Variants in SRGAP1 observed in about 807,000 individuals in gnomAD.
The protein encoded by SRGAP1 is SLIT-ROBO Rho GTPase activating protein 1.
In SRGAP1, 43 loss-of-function variants were observed where a neutral mutation model predicts 121.9. The observed-to-expected ratio is 0.35, with a 90% CI of 0.28 to 0.46. SRGAP1 has a LOEUF of 0.46. SRGAP1 is among the 20% of genes least tolerant of loss of function. The pLI is 1.00. For missense variants in SRGAP1, 1,102 were observed against 1,350.9 expected (o/e 0.82, Z 2.89); for synonymous variants, 447 against 485.4 (o/e 0.92, Z 1.04).
At chr12:64,006,272 A>T (rs970680624) in intron 3 of SRGAP1, among the ~76,000 whole-genome samples, 3 of 152,192 alleles carry the variant, frequency 2.0e-5, no homozygotes, top group African/African-American at 7.2e-5. Flanking sequence ...CTAGGAAATG[A>T]AGCTAGAGAA....
chr12:63,980,892 C>A (rs2033228431), intron 1 of SRGAP1, among the ~76,000 whole-genome samples: 1 of 152,112 alleles, frequency 6.6e-6, no homozygotes. Context: ...CCGCACCTGG[C>A]CTCTAAGGAG....
chr12:64,091,348 GTT>G lies in SRGAP1; in HGVS notation c.1511_1512del (p.Phe504Ter). The G allele has an allele frequency of 1.9e-6, 3 of 1,609,192 alleles. No homozygotes were observed. Among genetic ancestry groups the G allele is most frequent in the Non-Finnish European group, 2.5e-6 (3 of 1,177,114 alleles). On this transcript the variant is annotated frameshift_variant, in exon 12 of 22. Coordinates refer to ENST00000355086, the MANE Select transcript of SRGAP1 (RefSeq NM_020762.4). LOFTEE classifies it high-confidence loss of function. ...CCCGCTCACAGTATAATACTAAGTT[GTT>G]TAATGGGGATTTGGAAACATTCGTC... is the stretch of plus-strand genomic sequence containing the variant. The part of the protein sequence containing the change: ...RPRSQYNTKL[F>X]NGDLETFVKD...
At chr12:63,907,249 T>C (rs2030258062) in intron 1 of SRGAP1, among the ~76,000 whole-genome samples, 1 of 152,130 alleles carries the variant, frequency 6.6e-6, no homozygotes, top group Non-Finnish European at 1.5e-5. Flanking sequence ...ATTTTAAAAT[T>C]GAGTTAGCCA....
chr12:64,115,937 C>T, intron 18 of SRGAP1, 44 bp downstream of exon 18: 2 of 1,500,688 alleles, frequency 1.3e-6, no homozygotes, highest in Non-Finnish European at 1.8e-6. Context: ...TCTTTATATC[C>T]CTATTGTAAA....
chr12:64,082,460 T>C (rs1394609996), intron 10 of SRGAP1, among the ~76,000 whole-genome samples: 2 of 152,022 alleles, frequency 1.3e-5, no homozygotes, highest in African/African-American at 4.8e-5. Flanking sequence ...TTCTTTTTTT[T>C]TTTTTTTGAA....
chr12:63,919,499 CATATATATAT>C (rs10570691), intron 1 of SRGAP1, among the ~76,000 whole-genome samples: 4 of 134,190 alleles, frequency 3.0e-5, no homozygotes, highest in East Asian at 2.0e-4. Context: ...CTTAACATTA[CATATATATAT>C]ATATATATAT....
intron 1 of SRGAP1, among the ~76,000 whole-genome samples, chr12:63,893,345 T>C (rs921614297): frequency 6.6e-6 from 1 of 152,210 alleles, no homozygotes; most frequent in Non-Finnish European, 1.5e-5. Context: ...TAAGGCTTAG[T>C]AGTCATTATA....
At chr12:64,100,950 G>C (rs2036243997) in intron 15 of SRGAP1, among the ~76,000 whole-genome samples, 1 of 152,074 alleles carries the variant, frequency 6.6e-6, no homozygotes, top group African/African-American at 2.4e-5. Context: ...TTGATTAATA[G>C]TCTACAATGT....
At chr12:64,043,323 T>C in intron 5 of SRGAP1, 124 bp from the exon 6 acceptor site, 1 of 976,548 alleles carries the variant, frequency 1.0e-6, no homozygotes, top group South Asian at 1.9e-5. Flanking sequence ...GGCAAAGGAC[T>C]TTCAGGGTCA....
intron 1 of SRGAP1, among the ~76,000 whole-genome samples, chr12:63,856,766 T>C (rs1899265888): frequency 6.6e-6 from 1 of 152,236 alleles, no homozygotes; most frequent in African/African-American, 2.4e-5. Flanking sequence ...AGAAGTATCT[T>C]CTGATCTTGC....
chr12:64,082,318 ATAT>A (rs1469244914), intron 10 of SRGAP1, among the ~76,000 whole-genome samples: 1 of 152,130 alleles, frequency 6.6e-6, no homozygotes, highest in Admixed American at 6.5e-5. Context: ...CCAATGGTTA[ATAT>A]TCTTCTACAT....
chr12:64,141,192 C>G (rs985881568), intron 21 of SRGAP1, among the ~76,000 whole-genome samples: 2 of 146,576 alleles, frequency 1.4e-5, no homozygotes, highest in African/African-American at 5.2e-5. Context: ...TTAGTGGGTG[C>G]AGTGCACCAG....
At chr12:64,098,445 T>C (rs1285895242) in intron 15 of SRGAP1, among the ~76,000 whole-genome samples, 1 of 151,836 alleles carries the variant, frequency 6.6e-6, no homozygotes, top group Non-Finnish European at 1.5e-5. Context: ...CAAGGTGGGC[T>C]TATTGCTTGG....
At chr12:64,079,978 C>T (rs2035807163) in intron 9 of SRGAP1, among the ~76,000 whole-genome samples, 1 of 152,132 alleles carries the variant, frequency 6.6e-6, no homozygotes, top group Admixed American at 6.5e-5. Context: ...TGCAGTGGCT[C>T]ACGCCTGTAA....
At position 63,909,182 on chromosome 12, in the gene SRGAP1, C is replaced by T. The variant is rs532771178; in HGVS notation, c.67+64299C>T. Among the ~76,000 whole-genome samples the T allele has an allele frequency of 2.5e-4, 38 of 152,334 alleles. 1 individual carries two copies. In the South Asian group the frequency reaches 7.0e-3, roughly 28 times the overall value. ...GGATTACAGGCATGAGCCACCACGCCGGGCCTACAATAAGAATCTTAATGT... is the reference window on the plus strand; with the variant it reads ...GGATTACAGGCATGAGCCACCACGCTGGGCCTACAATAAGAATCTTAATGT... On this transcript the variant is annotated intron_variant, in intron 1 of 21. Transcript: ENST00000355086.
At chr12:64,139,798 A>G (rs1379871517) in intron 21 of SRGAP1, among the ~76,000 whole-genome samples, 4 of 152,098 alleles carry the variant, frequency 2.6e-5, no homozygotes, top group African/African-American at 4.8e-5. Context: ...TTGGTGTTTT[A>G]GACATGAAGT....
At chr12:64,011,238 C>G (rs917387642) in intron 3 of SRGAP1, among the ~76,000 whole-genome samples, 1 of 151,860 alleles carries the variant, frequency 6.6e-6, no homozygotes, top group Non-Finnish European at 1.5e-5. Context: ...AGCCTTTCAA[C>G]AATTTTAATC....
chr12:64,080,455 T>C, intron 10 of SRGAP1, 85 bp downstream of exon 10: 1 of 1,189,182 alleles, frequency 8.4e-7, no homozygotes, highest in Non-Finnish European at 1.2e-6. Flanking sequence ...GAATTGTATA[T>C]TTGTGCTTTA....
intron 1 of SRGAP1, among the ~76,000 whole-genome samples, chr12:63,919,010 G>A (rs923884250): frequency 1.1e-4 from 17 of 151,852 alleles, no homozygotes; most frequent in Non-Finnish European, 1.9e-4. Flanking sequence ...TAGTTATTTC[G>A]TATTTTGGTT....
Sources: gnomAD v4.1 joint callset for allele counts (sites outside exome capture counted in the v4.1 genomes callset) on GRCh38, gnomAD v4.1.1 for gene constraint, MANE v1.5 for transcripts, NCBI Gene and HGNC (gene_info 2026-07-23, HGNC 2026-07-21) for gene names.